The following OLIG2 variants were observed in gnomAD, a reference collection of about 807,000 sequenced individuals.
OLIG2 encodes basic domain, helix-loop-helix protein, class B, 1.
OLIG2 carries 12 observed loss-of-function variants against 13.4 expected under a neutral mutation model. That is an observed-to-expected ratio of 0.90 (90% CI 0.58 to 1.46). The LOEUF (loss-of-function observed/expected upper bound fraction) is 1.46, where lower values mean the gene tolerates loss of function less well. OLIG2 is among the 40% of genes most tolerant of loss of function. OLIG2 has a pLI of 0.00. For synonymous variants in OLIG2, 250 were observed against 233.6 expected (o/e 1.07, Z -0.64); for missense variants, 415 against 487.9 (o/e 0.85, Z 1.41).
In OLIG2 at chr21:33,027,118, ACGT is replaced by A. The variant is rs1168757151; in HGVS notation, c.262_264del (p.Ser88del). Reference sequence around the variant, plus strand: ...ATCCTCGTCCAGCACCTCGTCGTCTACGTCGTCGGCGGCTGCGTCGTCCACCAA... The same window carrying A: ...ATCCTCGTCCAGCACCTCGTCGTCTACGTCGGCGGCTGCGTCGTCCACCAA... On this transcript the variant is annotated inframe_deletion, in exon 2 of 2. Transcript: ENST00000382357. 6.2e-7 allele frequency: 1 copy of A among 1,611,790 alleles called. No homozygotes were observed. Among genetic ancestry groups the A allele is most frequent in the Non-Finnish European group, 8.5e-7 (1 of 1,179,318 alleles).
chr21:33,027,954 G>A lies in OLIG2; in HGVS notation c.*120G>A, dbSNP rs544603985. ...GGAGGGGCGCAGGACCATGGACTGG[G>A]GGTGGGGCATGGTGGGGATTCCAGC... On this transcript the variant is annotated 3_prime_UTR_variant, in exon 2 of 2. Transcript: ENST00000382357. The A allele has an allele frequency of 1.7e-6, 2 of 1,151,712 alleles. No homozygotes were observed. The highest frequency in any genetic ancestry group is 3.2e-5 in the East Asian group (1 of 31,014). The allele number at this position is 1,151,712 out of a possible 1,614,324, so 71.3% of individuals were successfully genotyped here. A position where few individuals can be genotyped will look rare whatever the true frequency, so the allele number is the denominator to read the frequency against.
At position 33,026,923 on chromosome 21, in the gene OLIG2, T is replaced by G; in HGVS notation, c.61T>G (p.Phe21Val). The change falls in exon 2 of 2, where the codon TTT becomes GTT. Residue 21 changes from phenylalanine to valine, a missense_variant. Around this residue, in one of 3 missense-constraint regions of OLIG2, gnomAD observed 122 missense variants for 126.8 expected, o/e 0.96. Coordinates refer to ENST00000382357, the MANE Select transcript of OLIG2 (RefSeq NM_005806.4). The surrounding 1 kb of genome is among the most constrained non-coding windows in gnomAD (Gnocchi z 6.6). ...RPSSPEPDDL[F>V]LPARSKGSSG... ...GTCGTCGCCAGAGCCCGATGACCTT[T>G]TTCTGCCGGCCCGGAGTAAGGGCAG... 4 of 1,612,264 alleles carry G rather than the reference T, an allele frequency of 2.5e-6. No homozygotes were observed. Among genetic ancestry groups the G allele is most frequent in the Non-Finnish European group, 3.4e-6 (4 of 1,179,960 alleles).
chr21:33,027,173 C>T lies in OLIG2; in HGVS notation c.311C>T (p.Pro104Leu). The T allele has an allele frequency of 1.9e-6, 3 of 1,611,160 alleles. No individual in the cohort carries two copies. Among genetic ancestry groups the T allele is most frequent in the South Asian group, 1.1e-5 (1 of 90,472 alleles). Residue 104 changes from proline (P) to leucine (L), a missense_variant, in exon 2 of 2, where the codon CCG becomes CTG. Pro to Leu is a moderately conservative substitution (Grantham distance 98). Around this residue, in one of 3 missense-constraint regions of OLIG2, gnomAD observed 50 missense variants for 119.9 expected, o/e 0.42. Transcript: ENST00000382357. The part of the protein sequence containing the change: ...TKKDKKQMTE[P>L]ELQQLRLKIN... The stretch of plus-strand genomic sequence containing the variant: ...AAGGACAAGAAGCAAATGACAGAGC[C>T]GGAGCTGCAGCAGCTGCGTCTCAAG...
In OLIG2 at chr21:33,027,776, A is replaced by G; in HGVS notation, c.914A>G (p.His305Arg). Residue 305 changes from histidine (H) to arginine (R), a missense_variant, in exon 2 of 2, where the codon CAC becomes CGC. Physicochemically the swap from His to Arg is conservative, Grantham distance 29 (BLOSUM62 0). Around this residue, in one of 3 missense-constraint regions of OLIG2, gnomAD observed 243 missense variants for 241.2 expected, o/e 1.01. Coordinates refer to ENST00000382357, the MANE Select transcript of OLIG2 (RefSeq NM_005806.4). ...CSMCQVPPPH[H>R]HVSAMGAGSL... ...ATGTGCCAGGTGCCGCCGCCGCACC[A>G]CCACGTGTCGGCTATGGGCGCCGGC... 4.9e-6 allele frequency: 7 copies of G among 1,425,412 alleles called. No individual in the cohort carries two copies. The highest frequency in any genetic ancestry group is 5.5e-6 in the Non-Finnish European group (6 of 1,095,234). 88.3% of individuals were successfully genotyped at this position (1,425,412 alleles called of 1,614,324 possible). A position where few individuals can be genotyped will look rare whatever the true frequency, so the allele number is the denominator to read the frequency against.
At position 33,027,607 on chromosome 21, in the gene OLIG2, C is replaced by T. The variant is rs1981146665; in HGVS notation, c.745C>T (p.Pro249Ser). Reference protein sequence around the residue: ...SSASLPGSGLPSVGSIRPPHG... With the variant: ...SSASLPGSGLSSVGSIRPPHG... ...CGCCTCTCTGCCCGGATCCGGGCTG[C>T]CGTCGGTCGGCTCCATCCGTCCACC... The change falls in exon 2 of 2, where the codon CCG becomes TCG. Residue 249 changes from proline to serine, a missense_variant. Pro to Ser is a moderately conservative substitution (Grantham distance 74). This residue lies in a region of OLIG2 where 243 missense variants were observed against 241.2 expected (regional missense o/e 1.01). Transcript: ENST00000382357. The T allele has an allele frequency of 1.4e-6, 2 of 1,477,272 alleles. No individual in the cohort carries two copies. The highest frequency in any genetic ancestry group is 1.5e-5 in the African/African-American group (1 of 68,164). 91.5% of individuals were successfully genotyped at this position (1,477,272 alleles called of 1,614,324 possible). A position where few individuals can be genotyped will look rare whatever the true frequency, so the allele number is the denominator to read the frequency against.
Position 33,027,626 on chromosome 21 carries a change from G to A in OLIG2, c.764G>A (p.Arg255His). The change falls in exon 2 of 2, where the codon CGT becomes CAT. Residue 255 changes from arginine (R) to histidine (H), a missense_variant. By Grantham distance (29) the Arg-to-His change is conservative. This residue lies in a region of OLIG2 where 243 missense variants were observed against 241.2 expected (regional missense o/e 1.01). Transcript: ENST00000382357. ...GGGCTGCCGTCGGTCGGCTCCATCC[G>A]TCCACCGCACGGCCTACTCAAGTCT... ...GSGLPSVGSI[R>H]PPHGLLKSPS... 3 of 1,474,522 alleles carry A rather than the reference G, an allele frequency of 2.0e-6. No homozygotes were observed. Among genetic ancestry groups the A allele is most frequent in the South Asian group, 1.3e-5 (1 of 77,950 alleles). The allele number at this position is 1,474,522 out of a possible 1,614,324, so 91.3% of individuals were successfully genotyped here.
At position 33,028,604 on chromosome 21, in the gene OLIG2, T is replaced by C. The variant is rs1240963049; in HGVS notation, c.*770T>C. 2 of 239,188 alleles carry C rather than the reference T, an allele frequency of 8.4e-6. No homozygotes were observed. Among genetic ancestry groups the C allele is most frequent in the Admixed American group, 5.7e-5 (1 of 17,486 alleles). 14.8% of individuals were successfully genotyped at this position (239,188 alleles called of 1,614,324 possible). The stretch of plus-strand genomic sequence containing the variant: ...CATTCAGAGTAGAACCACTTGTGGA[T>C]TGGAATAACCCAAAACTGCCGATTT... On this transcript the variant is annotated 3_prime_UTR_variant, in exon 2 of 2. Coordinates refer to ENST00000382357, the MANE Select transcript of OLIG2 (RefSeq NM_005806.4).
Position 33,026,901 on chromosome 21 carries a change from G to C in OLIG2, c.39G>C (p.Ser13=). 1 of 1,611,362 alleles carries C rather than the reference G, an allele frequency of 6.2e-7. No individual in the cohort carries two copies. The highest frequency in any genetic ancestry group is 8.5e-7 in the Non-Finnish European group (1 of 1,179,998). The change falls in exon 2 of 2, where the codon TCG becomes TCC. Residue 13 remains serine, a synonymous_variant. Transcript: ENST00000382357. This position sits in a 1 kb window ranked among gnomAD's most constrained non-coding sequence, Gnocchi z 6.6. ...SDASLVSSRP[S]SPEPDDLFLP... ...CCAGCCTGGTGTCCAGCCGCCCGTCGTCGCCAGAGCCCGATGACCTTTTTC... is the reference window on the plus strand; with the variant it reads ...CCAGCCTGGTGTCCAGCCGCCCGTCCTCGCCAGAGCCCGATGACCTTTTTC...
At position 33,027,861 on chromosome 21, in the gene OLIG2, G is replaced by T; in HGVS notation, c.*27G>T. On this transcript the variant is annotated 3_prime_UTR_variant, in exon 2 of 2. Transcript: ENST00000382357. Reference sequence around the variant, plus strand: ...CCGACTGGCGCCGGCGCGTTCTGGCGACAGGGGAGCCAGGGGCCGCGGGGA... The same window carrying T: ...CCGACTGGCGCCGGCGCGTTCTGGCTACAGGGGAGCCAGGGGCCGCGGGGA... 3 of 1,365,550 alleles carry T rather than the reference G, an allele frequency of 2.2e-6. No individual in the cohort carries two copies. In the South Asian group the frequency reaches 5.1e-5, roughly 23 times the overall value. 84.6% of individuals were successfully genotyped at this position (1,365,550 alleles called of 1,614,324 possible).
At position 33,027,127 on chromosome 21, in the gene OLIG2, G is replaced by A. The variant is rs747604717; in HGVS notation, c.265G>A (p.Ala89Thr). 14 of 1,611,420 alleles carry A rather than the reference G, an allele frequency of 8.7e-6. No individual in the cohort carries two copies. In the South Asian group the frequency reaches 1.4e-4, roughly 17 times the overall value. Reference sequence around the variant, plus strand: ...CAGCACCTCGTCGTCTACGTCGTCGGCGGCTGCGTCGTCCACCAAGAAGGA... The same window carrying A: ...CAGCACCTCGTCGTCTACGTCGTCGACGGCTGCGTCGTCCACCAAGAAGGA... Reference protein sequence around the residue: ...SSSTSSSTSSAAASSTKKDKK... With the variant: ...SSSTSSSTSSTAASSTKKDKK... Residue 89 changes from alanine to threonine, a missense_variant, in exon 2 of 2, where the codon GCG becomes ACG. Coordinates refer to ENST00000382357, the MANE Select transcript of OLIG2 (RefSeq NM_005806.4).
At position 33,028,237 on chromosome 21, in the gene OLIG2, G is replaced by A. The variant is rs535989852; in HGVS notation, c.*403G>A. The A allele has an allele frequency of 1.2e-5, 3 of 248,762 alleles. No homozygotes were observed. The highest frequency in any genetic ancestry group is 6.0e-5 in the East Asian group (1 of 16,686). The allele number at this position is 248,762 out of a possible 1,614,324, so 15.4% of individuals were successfully genotyped here. ...CAGACTCGGCTTGGGCAGCACTTCG[G>A]GGGGGGAGGGGGTGTTATGGGAGGG... On this transcript the variant is annotated 3_prime_UTR_variant, in exon 2 of 2. Transcript: ENST00000382357.
chr21:33,028,952 G>T lies in OLIG2; in HGVS notation c.*1118G>T, dbSNP rs1981215122. ...ATTTTTGCCACGTTTAACACAAATG[G>T]TAAACTCCTCCACGTGCTTCCTGCG... On this transcript the variant is annotated 3_prime_UTR_variant, in exon 2 of 2. Transcript: ENST00000382357. 1 of 242,968 alleles carries T rather than the reference G, an allele frequency of 4.1e-6. No homozygotes were observed. Among genetic ancestry groups the T allele is most frequent in the South Asian group, 1.8e-4 (1 of 5,488 alleles). The allele number at this position is 242,968 out of a possible 1,614,324, so 15.1% of individuals were successfully genotyped here. A position where few individuals can be genotyped will look rare whatever the true frequency, so the allele number is the denominator to read the frequency against.
chr21:33,026,987 C>G lies in OLIG2; in HGVS notation c.125C>G (p.Ser42Cys). ...SAFTGGTVSS[S>C]TPSDCPPELS... ...TTCACTGGGGGCACCGTGTCCTCGT[C>G]CACCCCGAGTGACTGCCCGCCGGAG... The change falls in exon 2 of 2, where the codon TCC (serine) becomes TGC (cysteine). Residue 42 changes from serine (S) to cysteine (C), a missense_variant. Around this residue, in one of 3 missense-constraint regions of OLIG2, gnomAD observed 122 missense variants for 126.8 expected, o/e 0.96. Transcript: ENST00000382357. The surrounding 1 kb of genome is among the most constrained non-coding windows in gnomAD (Gnocchi z 6.6). The G allele has an allele frequency of 6.2e-7, 1 of 1,612,442 alleles. No individual in the cohort carries two copies. The highest frequency in any genetic ancestry group is 8.5e-7 in the Non-Finnish European group (1 of 1,179,638).
At position 33,026,733 on chromosome 21, in the gene OLIG2, ACTCACTCTCTCTCTCT is replaced by A; in HGVS notation, c.-62-64_-62-49del. The A allele has an allele frequency of 1.7e-6, 2 of 1,149,626 alleles. No homozygotes were observed. The highest frequency in any genetic ancestry group is 2.4e-6 in the Non-Finnish European group (2 of 840,188). The allele number at this position is 1,149,626 out of a possible 1,614,324, so 71.2% of individuals were successfully genotyped here. On this transcript the variant is annotated intron_variant, in intron 1 of 1. Transcript: ENST00000382357. This position sits in a 1 kb window ranked among gnomAD's most constrained non-coding sequence, Gnocchi z 6.6. ...GGAGCAGCTTTTCTGTCTCTCACTGACTCACTCTCTCTCTCTCTCCCTCTCTCTCTCTCTCATTCTC... is the reference window on the plus strand; with the variant it reads ...GGAGCAGCTTTTCTGTCTCTCACTGACTCCCTCTCTCTCTCTCTCATTCTC...
At position 33,027,595 on chromosome 21, in the gene OLIG2, G is replaced by C. The variant is rs919863784; in HGVS notation, c.733G>C (p.Gly245Arg). The C allele has an allele frequency of 6.8e-7, 1 of 1,477,100 alleles. No individual in the cohort carries two copies. Among genetic ancestry groups the C allele is most frequent in the Non-Finnish European group, 8.9e-7 (1 of 1,119,972 alleles). The allele number at this position is 1,477,100 out of a possible 1,614,324, so 91.5% of individuals were successfully genotyped here. The change falls in exon 2 of 2, where the codon GGA (glycine) becomes CGA (arginine). Residue 245 changes from glycine (G) to arginine (R), a missense_variant. Physicochemically the swap from Gly to Arg is moderately radical, Grantham distance 125. This residue lies in a region of OLIG2 where 243 missense variants were observed against 241.2 expected (regional missense o/e 1.01). Coordinates refer to ENST00000382357, the MANE Select transcript of OLIG2 (RefSeq NM_005806.4). The part of the protein sequence containing the change: ...AAAVSSASLP[G>R]SGLPSVGSIR... ...GGCTGTGTCCAGCGCCTCTCTGCCC[G>C]GATCCGGGCTGCCGTCGGTCGGCTC...
rs562900247 is a variant in OLIG2 at position 33,028,000 on chromosome 21, G to A, written c.*166G>A. On this transcript the variant is annotated 3_prime_UTR_variant, in exon 2 of 2. Transcript: ENST00000382357. Reference sequence around the variant, plus strand: ...CCAGCATCTGCGAACCCAAGCAATGGGGGCGCCCACAGAGCAGTGGGGAGT... The same window carrying A: ...CCAGCATCTGCGAACCCAAGCAATGAGGGCGCCCACAGAGCAGTGGGGAGT... 1.4e-5 allele frequency: 10 copies of A among 731,366 alleles called. No homozygotes were observed. The Admixed American group carries it at 1.7e-4, about 13-fold the overall frequency. The allele number at this position is 731,366 out of a possible 1,614,324, so 45.3% of individuals were successfully genotyped here.
At position 33,028,067 on chromosome 21, in the gene OLIG2, C is replaced by G; in HGVS notation, c.*233C>G. 1 of 441,740 alleles carries G rather than the reference C, an allele frequency of 2.3e-6. No homozygotes were observed. The allele number at this position is 441,740 out of a possible 1,614,324, so 27.4% of individuals were successfully genotyped here. A position where few individuals can be genotyped will look rare whatever the true frequency, so the allele number is the denominator to read the frequency against. On this transcript the variant is annotated 3_prime_UTR_variant, in exon 2 of 2. Coordinates refer to ENST00000382357, the MANE Select transcript of OLIG2 (RefSeq NM_005806.4). ...CGGGACCTGATCGAGCGCTGTCTGGCTTTAACCTGAGCTGGTCCAGTAGAC... is the reference window on the plus strand; with the variant it reads ...CGGGACCTGATCGAGCGCTGTCTGGGTTTAACCTGAGCTGGTCCAGTAGAC...
rs773203157 is a variant in OLIG2, at chr21:33,026,815, G to T, written c.-48G>T. ...TCTCCTGGAAGTTTTCGGGTCCGAG[G>T]GAAGGAGGACCCTGCGAAAGCTGCG... On this transcript the variant is annotated 5_prime_UTR_variant, in exon 2 of 2. Coordinates refer to ENST00000382357, the MANE Select transcript of OLIG2 (RefSeq NM_005806.4). This position sits in a 1 kb window ranked among gnomAD's most constrained non-coding sequence, Gnocchi z 6.6. 2 of 1,592,090 alleles carry T rather than the reference G, an allele frequency of 1.3e-6. No individual in the cohort carries two copies. The highest frequency in any genetic ancestry group is 1.7e-5 in the Admixed American group (1 of 58,896).
Position 33,027,788 on chromosome 21 carries a change from CTATGG to C in OLIG2, c.927_931del (p.Met310ArgfsTer128), listed in dbSNP as rs2123269591. ...CCGCCGCCGCACCACCACGTGTCGGCTATGGGCGCCGGCAGCCTGCCGCGCCTCAC... is the reference window on the plus strand; with the variant it reads ...CCGCCGCCGCACCACCACGTGTCGGCGCGCCGGCAGCCTGCCGCGCCTCAC... On this transcript the variant is annotated frameshift_variant, in exon 2 of 2. Coordinates refer to ENST00000382357, the MANE Select transcript of OLIG2 (RefSeq NM_005806.4). LOFTEE classifies it high-confidence loss of function. 1 of 1,426,494 alleles carries C rather than the reference CTATGG, an allele frequency of 7.0e-7. No homozygotes were observed. Among genetic ancestry groups the C allele is most frequent in the East Asian group, 3.1e-5 (1 of 32,748 alleles). 88.4% of individuals were successfully genotyped at this position (1,426,494 alleles called of 1,614,324 possible).
Sources: gnomAD v4.1 joint callset for allele counts on GRCh38, gnomAD v4.1.1 for gene constraint, gnomAD v4.1.1 regional missense constraint, Gnocchi (gnomAD v3.1) non-coding constraint, MANE v1.5 for transcripts, NCBI Gene and HGNC (gene_info 2026-07-23, HGNC 2026-07-21) for gene names.